Variants in DRICH1 observed in about 807,000 individuals in gnomAD.
DRICH1 encodes aspartate rich 1.
DRICH1 carries 38 observed loss-of-function variants against 39.5 expected under a neutral mutation model. That is an observed-to-expected ratio of 0.96 (90% CI 0.74 to 1.26). The LOEUF (loss-of-function observed/expected upper bound fraction) is 1.26. Among genes scored for constraint, DRICH1 ranks in the 50% most tolerant of loss-of-function variants. The probability of loss-of-function intolerance (pLI) is 0.00; values close to 1 mark genes in which losing one functional copy is unlikely to be tolerated. For missense variants in DRICH1, 279 were observed against 270.4 expected, an observed-to-expected ratio of 1.03 and a Z score of -0.22; for synonymous variants, 84 against 99.5, an observed-to-expected ratio of 0.84 and a Z score of 0.93.
chr22:23,612,164 A>G (rs1315215577), intron 11 of DRICH1, among the ~76,000 whole-genome samples: 1 of 152,174 alleles, frequency 6.6e-6, no homozygotes, highest in Non-Finnish European at 1.5e-5. Flanking sequence ...GATAGCCACA[A>G]TTACATTAAA....
At chr22:23,632,626 G>A (rs1462048576), upstream of DRICH1, among the ~76,000 whole-genome samples, 1 of 152,102 alleles carries the variant, frequency 6.6e-6, no homozygotes, top group Non-Finnish European at 1.5e-5. Context: ...ACCCTGGTAT[G>A]GCCGGGAGTG....
the DRICH1 span, chr22:23,583,982 C>T: frequency 8.5e-5 from 13 of 152,576 alleles, no homozygotes; most frequent in African/African-American, 2.7e-4. Context: ...TGCCCCCAGC[C>T]GCTCCCTTTC....
Position 23,632,240 on chromosome 22 carries a change from A to C in DRICH1, c.-217T>G. 20 of 724,650 alleles carry C rather than the reference A, an allele frequency of 2.8e-5. No homozygotes were observed. Among genetic ancestry groups the C allele is most frequent in the East Asian group, 5.8e-5 (2 of 34,520 alleles). The allele number at this position is 724,650 out of a possible 1,614,324, so 44.9% of individuals were successfully genotyped here. ...TGTCTTCTTTGAAAAATAAACGAAC[A>C]TGACAAGCACCCAAAGGTGCAAAAA... On this transcript the variant is annotated 5_prime_UTR_variant, in exon 1 of 12. An upstream start codon of the reference 5' UTR is lost. Coordinates refer to ENST00000317749, the MANE Select transcript of DRICH1 (RefSeq NM_016449.4).
intron 1 of DRICH1, among the ~76,000 whole-genome samples, chr22:23,627,934 T>C (rs1363838383): frequency 6.6e-6 from 1 of 152,244 alleles, no homozygotes; most frequent in Admixed American, 6.5e-5. Context: ...GCCTAACATG[T>C]TCTCCCCAGG....
At chr22:23,614,250 G>T (rs115061956) in intron 8 of DRICH1, 36 bp from the exon 9 acceptor site, 1 of 1,496,474 alleles carries the variant, frequency 6.7e-7, no homozygotes. Flanking sequence ...GTGCACCGGT[G>T]GTTGGTGACT....
At chr22:23,631,415 A>AAAAT (rs144088461) in intron 1 of DRICH1, among the ~76,000 whole-genome samples, 4,545 of 149,098 alleles carry the variant, frequency 0.03, 168 homozygotes, top group African/African-American at 0.09. Flanking sequence ...GACTCCATCT[A>AAAAT]AAATAAATAA....
the DRICH1 span, among the ~76,000 whole-genome samples, chr22:23,602,773 A>G: frequency 6.5e-3 from 983 of 152,256 alleles, 14 homozygotes; most frequent in African/African-American, 0.022. Flanking sequence ...GATTTTTTAA[A>G]AATTATACTA....
Position 23,614,181 on chromosome 22 carries a change from G to A in DRICH1, c.575C>T (p.Ser192Leu). The change falls in exon 9 of 12, where the codon TCA becomes TTA. Residue 192 changes from serine (S) to leucine (L), a missense_variant. Transcript: ENST00000317749. ...TTCTTCTTCATCTTTGTGTCTCAGT[G>A]AGCATCTTAAAAACAGGCTATCTTC... ...CSEDSLFLRC[S>L]LRHKDEEEED... The A allele has an allele frequency of 6.2e-7, 1 of 1,613,824 alleles. No individual in the cohort carries two copies. The highest frequency in any genetic ancestry group is 8.5e-7 in the Non-Finnish European group (1 of 1,179,736).
chr22:23,618,752 A>G (rs1175148417), intron 6 of DRICH1, among the ~76,000 whole-genome samples: 2 of 152,376 alleles, frequency 1.3e-5, no homozygotes, highest in East Asian at 3.9e-4. Context: ...GGAAATGTAT[A>G]TCAATAGAAA....
the DRICH1 span, chr22:23,581,523 T>TGGTGTTGGGAGATAATGCATGTC: frequency 2.0e-5 from 3 of 152,216 alleles, no homozygotes; most frequent in Non-Finnish European, 2.9e-5. Context: ...GGGTTGAGGT[T>TGGTGTTGGGAGATAATGCATGTC]GGTGTTGGGA....
chr22:23,624,858 A>T, intron 3 of DRICH1, 25 bp downstream of exon 3: 1 of 1,610,884 alleles, frequency 6.2e-7, no homozygotes, highest in Non-Finnish European at 8.5e-7. Flanking sequence ...GTTTCTCAGA[A>T]AGTGAGTTAG....
chr22:23,610,814 ACT>A (rs775845729), intron 11 of DRICH1, among the ~76,000 whole-genome samples: 11 of 142,222 alleles, frequency 7.7e-5, no homozygotes, highest in East Asian at 2.0e-4. Context: ...GTCTAAAAGC[ACT>A]CTTTTTTTTT....
Position 23,624,571 on chromosome 22 carries a change from T to C in DRICH1, c.298+312A>G, listed in dbSNP as rs118035580. Among the ~76,000 whole-genome samples the C allele has an allele frequency of 8.0e-3, 1,225 of 152,246 alleles. 27 individuals carry two copies. The highest frequency in any genetic ancestry group is 0.078 in the East Asian group (406 of 5,174). The stretch of plus-strand genomic sequence containing the variant: ...TTGTTACCTACCTGAAAAAGCATAG[T>C]CTTCCCCACTAAAGTTCTCCAGAAT... On this transcript the variant is annotated intron_variant, in intron 3 of 11. Transcript: ENST00000317749.
At chr22:23,606,061 ATT>A (rs964462828), downstream of DRICH1, among the ~76,000 whole-genome samples, 4 of 146,730 alleles carry the variant, frequency 2.7e-5, no homozygotes, top group East Asian at 8.0e-4. Context: ...AAAAAAAAAA[ATT>A]TTTTTTTTTG....
the DRICH1 span, among the ~76,000 whole-genome samples, chr22:23,598,008 G>A: frequency 6.6e-6 from 1 of 150,644 alleles, no homozygotes; most frequent in Non-Finnish European, 1.5e-5. Context: ...GTTTAGGTCA[G>A]TGTTAAGATT....
At chr22:23,601,408 C>G in the DRICH1 span, among the ~76,000 whole-genome samples, 2 of 152,212 alleles carry the variant, frequency 1.3e-5, no homozygotes, top group South Asian at 4.1e-4. Flanking sequence ...ATTGAGCCAC[C>G]TGGAGGAACA....
chr22:23,620,736 G>A (rs1927674217), intron 4 of DRICH1, 121 bp from the exon 5 acceptor site: 1 of 1,123,868 alleles, frequency 8.9e-7, no homozygotes, highest in Admixed American at 1.8e-5. Flanking sequence ...GTTGAGTCAA[G>A]GTCAAAGGCC....
chr22:23,586,229 C>T, the DRICH1 span, among the ~76,000 whole-genome samples: 3 of 152,244 alleles, frequency 2.0e-5, no homozygotes, highest in East Asian at 1.9e-4. Context: ...TAGCTTACGC[C>T]TGTAATCCTA....
At chr22:23,622,007 C>T (rs1198449685) in intron 4 of DRICH1, 84 bp downstream of exon 4, 1 of 1,257,026 alleles carries the variant, frequency 8.0e-7, no homozygotes, top group Non-Finnish European at 1.2e-6. Context: ...TCCCTGAGTC[C>T]ATTCTTTGGG....
Sources: allele counts gnomAD v4.1 joint callset (sites outside exome capture counted in the v4.1 genomes callset), GRCh38; gene constraint gnomAD v4.1.1; transcripts MANE v1.5; gene names NCBI Gene and HGNC (gene_info 2026-07-23, HGNC 2026-07-21).